SORCS1: variants seen among roughly 807,000 people sequenced by gnomAD.
SORCS1 encodes the protein VPS10 domain-containing receptor SorCS1.
In SORCS1, 60 loss-of-function variants were observed where a neutral mutation model predicts 146.1. The ratio of observed to expected loss-of-function variants is 0.41; its 90% CI spans 0.33 to 0.51. The LOEUF is 0.51. Ranked by LOEUF, SORCS1 falls within the 20% of genes least tolerant of loss-of-function variation. SORCS1 has a pLI of 0.21. For missense variants in SORCS1, 1,352 were observed against 1,487.6 expected, an observed-to-expected ratio of 0.91 and a Z score of 1.50; for synonymous variants, 637 against 584.0, an observed-to-expected ratio of 1.09 and a Z score of -1.31.
intron 6 of SORCS1, among the ~76,000 whole-genome samples, chr10:106,711,187 T>A (rs1003541991): frequency 6.6e-6 from 1 of 152,240 alleles, no homozygotes; most frequent in Non-Finnish European, 1.5e-5. Context: ...AAATGAATAT[T>A]TGTTGGAACA....
chr10:107,086,596 T>C (rs762888577), intron 1 of SORCS1, among the ~76,000 whole-genome samples: 1 of 152,214 alleles, frequency 6.6e-6, no homozygotes, highest in African/African-American at 2.4e-5. Context: ...GAATTATCTC[T>C]TGGGTTATAT....
rs1340105259 is a variant in SORCS1, at chr10:107,164,284, G to A, written c.243C>T (p.Ala81=). The A allele has an allele frequency of 1.3e-6, 2 of 1,596,416 alleles. No homozygotes were observed. Among genetic ancestry groups the A allele is most frequent in the Admixed American group, 1.7e-5 (1 of 58,800 alleles). Residue 81 remains alanine, a synonymous_variant, in exon 1 of 26, where the codon GCC becomes GCT. Transcript: ENST00000263054. This position sits in a 1 kb window ranked among gnomAD's most constrained non-coding sequence, Gnocchi z 6.8. ...PLVVRPLFSV[A]PGDRALSLER... is the part of the protein sequence containing the mutation. Reference sequence around the variant, plus strand: ...CCAGGGATAGCGCTCGGTCCCCGGGGGCCACTGAGAACAGGGGACGCACTA... The same window carrying A: ...CCAGGGATAGCGCTCGGTCCCCGGGAGCCACTGAGAACAGGGGACGCACTA...
chr10:106,989,491 T>A (rs2139449860), intron 1 of SORCS1, among the ~76,000 whole-genome samples: 1 of 151,910 alleles, frequency 6.6e-6, no homozygotes, highest in South Asian at 2.1e-4. Context: ...TTTGACACTT[T>A]AAGGTCCACT....
intron 1 of SORCS1, among the ~76,000 whole-genome samples, chr10:106,976,333 G>GTGTTTTTTTTGT (rs1956008004): frequency 8.8e-6 from 1 of 113,814 alleles, no homozygotes; most frequent in South Asian, 2.7e-4. Context: ...AGGTTTTTTT[G>GTGTTTTTTTTGT]TTTTTTTTTT....
intron 2 of SORCS1, among the ~76,000 whole-genome samples, chr10:106,909,750 C>T (rs554774217): frequency 1.3e-5 from 2 of 152,194 alleles, no homozygotes; most frequent in South Asian, 2.1e-4. Flanking sequence ...TTACAAATCA[C>T]CTCCAGTGGA....
rs1049861047 is a variant in SORCS1 at position 106,723,186 on chromosome 10, T to A, written c.1024+6864A>T. Reference sequence around the variant, plus strand: ...AAACGTAAAATAAAATAAAAAAGAATGTTTTGGGCTCTAAGTTATCTTTTG... The same window carrying A: ...AAACGTAAAATAAAATAAAAAAGAAAGTTTTGGGCTCTAAGTTATCTTTTG... On this transcript the variant is annotated intron_variant, in intron 6 of 25. Coordinates refer to ENST00000263054, the MANE Select transcript of SORCS1 (RefSeq NM_052918.5). 4.6e-5 allele frequency among the ~76,000 whole-genome samples: 7 copies of A among 152,066 alleles called. 1 individual carries two copies. Among genetic ancestry groups the A allele is most frequent in the Admixed American group, 3.3e-4 (5 of 15,258 alleles).
At chr10:106,840,863 A>AT (rs59611702) in intron 2 of SORCS1, among the ~76,000 whole-genome samples, 2,534 of 124,116 alleles carry the variant, frequency 0.02, 97 homozygotes, top group African/African-American at 0.066. Context: ...ATATATATAT[A>AT]TTTTTTTTTT....
chr10:106,602,727 A>G (rs942212244), intron 23 of SORCS1, among the ~76,000 whole-genome samples: 4 of 151,900 alleles, frequency 2.6e-5, no homozygotes, highest in African/African-American at 4.8e-5. Flanking sequence ...TACCTCCTCC[A>G]CTTTTGGTTA....
chr10:106,997,085 C>T (rs1312318008), intron 1 of SORCS1, among the ~76,000 whole-genome samples: 2 of 151,742 alleles, frequency 1.3e-5, no homozygotes, highest in Non-Finnish European at 2.9e-5. Context: ...GTCCTTTAAG[C>T]CCTTACATAT....
In SORCS1 at chr10:106,944,847, T is replaced by C. The variant is rs538890005; in HGVS notation, c.626+11666A>G. Reference sequence around the variant, plus strand: ...TGAATGAAAGAAACAAAGAGAGCTATGGTAGAAAGAAGCAAGAAAGAGCCT... The same window carrying C: ...TGAATGAAAGAAACAAAGAGAGCTACGGTAGAAAGAAGCAAGAAAGAGCCT... On this transcript the variant is annotated intron_variant, in intron 2 of 25. Transcript: ENST00000263054. Among the ~76,000 whole-genome samples, 194 of 133,796 alleles carry C rather than the reference T, an allele frequency of 1.4e-3. 1 individual carries two copies. Among genetic ancestry groups the C allele is most frequent in the Middle Eastern group, 8.5e-3 (2 of 236 alleles). The allele number at this position is 133,796 out of a possible 152,430, so 87.8% of individuals were successfully genotyped here.
chr10:107,114,898 A>G (rs1452568249), intron 1 of SORCS1, among the ~76,000 whole-genome samples: 1 of 152,282 alleles, frequency 6.6e-6, no homozygotes, highest in East Asian at 1.9e-4. Flanking sequence ...AAATAAATTC[A>G]GTAAAGTTAC....
intron 1 of SORCS1, among the ~76,000 whole-genome samples, chr10:107,000,207 G>C (rs1342988927): frequency 6.6e-6 from 1 of 152,194 alleles, no homozygotes; most frequent in Non-Finnish European, 1.5e-5. Flanking sequence ...TACCTTCTGT[G>C]TGCAATGCAC....
intron 13 of SORCS1, 99 bp downstream of exon 13, chr10:106,677,214 A>T: frequency 8.8e-7 from 1 of 1,136,022 alleles, no homozygotes; most frequent in Non-Finnish European, 1.3e-6. Flanking sequence ...TAACAGATTT[A>T]CTACAGAAAC....
At chr10:106,833,783 GTTATTATTA>G (rs34691171) in intron 2 of SORCS1, among the ~76,000 whole-genome samples, 4 of 150,424 alleles carry the variant, frequency 2.7e-5, no homozygotes, top group Admixed American at 1.3e-4. Context: ...TCTTTCTTTT[GTTATTATTA>G]TTATTATTAT....
At chr10:106,705,401 T>C (rs189270096) in intron 8 of SORCS1, among the ~76,000 whole-genome samples, 1 of 152,272 alleles carries the variant, frequency 6.6e-6, no homozygotes, top group Admixed American at 6.5e-5. Context: ...CCACTGGCTC[T>C]CCCGGGAGAG....
chr10:106,625,502 G>C (rs1848049857), intron 19 of SORCS1, among the ~76,000 whole-genome samples: 1 of 152,264 alleles, frequency 6.6e-6, no homozygotes, highest in Admixed American at 6.5e-5. Flanking sequence ...CAGTGGGTCT[G>C]GGATAAGACC....
rs150006147 is a variant in SORCS1 at position 106,984,895 on chromosome 10, T to C, written c.559-28315A>G. Among the ~76,000 whole-genome samples the C allele has an allele frequency of 2.6e-4, 40 of 151,978 alleles. No homozygotes were observed. In the East Asian group the frequency reaches 7.4e-3, roughly 28 times the overall value. ...CTTCTCATTAAGTTGTTGAAAAATA[T>C]AGGGCAAGCAGGCCGGGTGCCGTGG... On this transcript the variant is annotated intron_variant, in intron 1 of 25. Transcript: ENST00000263054.
intron 19 of SORCS1, among the ~76,000 whole-genome samples, chr10:106,627,772 A>G (rs1437376631): frequency 6.6e-6 from 1 of 152,194 alleles, no homozygotes; most frequent in African/African-American, 2.4e-5. Flanking sequence ...TAGGGAGTAG[A>G]TAGTAAAAGC....
intron 6 of SORCS1, among the ~76,000 whole-genome samples, chr10:106,718,929 G>A (rs1855585582): frequency 6.6e-6 from 1 of 152,156 alleles, no homozygotes; most frequent in South Asian, 2.1e-4. Context: ...TGATGGGTGC[G>A]TTTTTACAGA....
Sources: allele counts gnomAD v4.1 joint callset (sites outside exome capture counted in the v4.1 genomes callset), GRCh38; gene constraint gnomAD v4.1.1; non-coding constraint Gnocchi (gnomAD v3.1); transcripts MANE v1.5; gene names NCBI Gene and HGNC (gene_info 2026-07-23, HGNC 2026-07-21).